Variants in XYLT1 observed in about 807,000 individuals in gnomAD.
XYLT1 encodes the protein xylosyltransferase 1.
XYLT1 carries 36 observed loss-of-function variants against 91.3 expected under a neutral mutation model. That is an observed-to-expected ratio of 0.39 (90% CI 0.30 to 0.52). The LOEUF is 0.52. Among genes scored for constraint, XYLT1 ranks in the 20% least tolerant of loss-of-function variants. The pLI is 0.68. For synonymous variants in XYLT1, 588 were observed against 532.0 expected (o/e 1.11, Z -1.45); for missense variants, 1,242 against 1,284.5 (o/e 0.97, Z 0.51).
At chr16:17,454,502 T>C (rs1284177787) in intron 1 of XYLT1, among the ~76,000 whole-genome samples, 2 of 152,048 alleles carry the variant, frequency 1.3e-5, no homozygotes, top group African/African-American at 4.8e-5. Context: ...GAAATGGACA[T>C]GGCTGTGTTC....
At chr16:17,390,825 CAA>C (rs1048675458) in intron 1 of XYLT1, among the ~76,000 whole-genome samples, 18 of 152,242 alleles carry the variant, frequency 1.2e-4, no homozygotes, top group African/African-American at 3.4e-4. Flanking sequence ...TGCCTGAGCT[CAA>C]GAGTTCAAAA....
At chr16:17,419,099 A>G (rs553102440) in intron 1 of XYLT1, among the ~76,000 whole-genome samples, 87 of 152,052 alleles carry the variant, frequency 5.7e-4, no homozygotes, top group Admixed American at 1.2e-3. Context: ...TATAGGGAAA[A>G]GTTAATCCAC....
At chr16:17,318,004 G>A (rs1384278881) in intron 2 of XYLT1, among the ~76,000 whole-genome samples, 5 of 152,196 alleles carry the variant, frequency 3.3e-5, no homozygotes, top group Admixed American at 3.3e-4. Flanking sequence ...TACCCGTCTT[G>A]TCACCCTGTT....
chr16:17,109,578 A>G (rs1197957649), intron 11 of XYLT1, among the ~76,000 whole-genome samples: 1 of 152,110 alleles, frequency 6.6e-6, no homozygotes, highest in Non-Finnish European at 1.5e-5. Flanking sequence ...AGGGTTGGCA[A>G]ACTGCAGTCC....
intron 2 of XYLT1, among the ~76,000 whole-genome samples, chr16:17,299,076 G>A (rs1046307864): frequency 1.3e-5 from 2 of 151,952 alleles, no homozygotes; most frequent in African/African-American, 2.4e-5. Context: ...CAACTAGAAC[G>A]CAAGCTACTT....
chr16:17,375,737 C>T (rs1432689194), intron 1 of XYLT1, among the ~76,000 whole-genome samples: 1 of 152,246 alleles, frequency 6.6e-6, no homozygotes, highest in African/African-American at 2.4e-5. Context: ...CAATCCCCAC[C>T]GGCCAGGTGG....
intron 5 of XYLT1, among the ~76,000 whole-genome samples, chr16:17,164,790 C>T (rs981999356): frequency 1.3e-5 from 2 of 152,170 alleles, no homozygotes; most frequent in Non-Finnish European, 2.9e-5. Context: ...ACATTAACGA[C>T]CACGTGTCTG....
At chr16:17,218,079 G>A (rs1245759596) in intron 3 of XYLT1, among the ~76,000 whole-genome samples, 1 of 152,010 alleles carries the variant, frequency 6.6e-6, no homozygotes. Flanking sequence ...CCAACATGGT[G>A]AAACCTCATC....
chr16:17,415,587 G>C (rs1023804619), intron 1 of XYLT1, among the ~76,000 whole-genome samples: 3 of 152,162 alleles, frequency 2.0e-5, no homozygotes, highest in African/African-American at 7.2e-5. Flanking sequence ...AGCTACTCAG[G>C]AGGCTGTGGC....
chr16:17,446,799 G>A (rs2036597217), intron 1 of XYLT1, among the ~76,000 whole-genome samples: 2 of 152,044 alleles, frequency 1.3e-5, no homozygotes, highest in South Asian at 4.2e-4. Flanking sequence ...AACCCTCAGC[G>A]GGGAACAGCC....
chr16:17,427,168 G>A (rs1051665065), intron 1 of XYLT1, among the ~76,000 whole-genome samples: 1 of 152,250 alleles, frequency 6.6e-6, no homozygotes, highest in Non-Finnish European at 1.5e-5. Context: ...AGCAAGTGGT[G>A]AAATCGTGTC....
intron 1 of XYLT1, among the ~76,000 whole-genome samples, chr16:17,370,684 G>A (rs767012648): frequency 4.6e-5 from 7 of 152,154 alleles, no homozygotes; most frequent in African/African-American, 4.8e-5. Context: ...TTCAGCTCAG[G>A]CATAGTTTGT....
At chr16:17,202,021 A>T (rs1440419131) in intron 3 of XYLT1, among the ~76,000 whole-genome samples, 6 of 152,194 alleles carry the variant, frequency 3.9e-5, no homozygotes, top group Non-Finnish European at 7.3e-5. Context: ...ATAGTCCCAG[A>T]CATATTTTAT....
intron 2 of XYLT1, among the ~76,000 whole-genome samples, chr16:17,318,862 C>T (rs1294174670): frequency 1.3e-5 from 2 of 151,750 alleles, no homozygotes; most frequent in East Asian, 3.9e-4. Context: ...ATCTCAGCTC[C>T]CTGCAACCTC....
chr16:17,321,608 T>A (rs1307301741), intron 2 of XYLT1, among the ~76,000 whole-genome samples: 1 of 152,048 alleles, frequency 6.6e-6, no homozygotes, highest in Admixed American at 6.5e-5. Flanking sequence ...TCTCCCCGTG[T>A]CAGACTCCCG....
chr16:17,127,536 T>G, intron 10 of XYLT1, 130 bp downstream of exon 10: 1 of 1,147,464 alleles, frequency 8.7e-7, no homozygotes, highest in African/African-American at 1.5e-5. Context: ...GGGCACAGGG[T>G]TAGCTTATCT....
At chr16:17,289,011 T>G (rs2034182760) in intron 2 of XYLT1, among the ~76,000 whole-genome samples, 1 of 152,200 alleles carries the variant, frequency 6.6e-6, no homozygotes, top group Admixed American at 6.5e-5. Context: ...GCAACCCAGC[T>G]GATAAGAGAT....
At chr16:17,252,156 C>T (rs556410603) in intron 3 of XYLT1, among the ~76,000 whole-genome samples, 34 of 152,064 alleles carry the variant, frequency 2.2e-4, no homozygotes, top group Non-Finnish European at 4.7e-4. Context: ...GTAATACTAA[C>T]AAGCCAAGCA....
intron 1 of XYLT1, 30 bp downstream of exon 1, chr16:17,470,404 C>T: frequency 8.2e-7 from 1 of 1,223,798 alleles, no homozygotes; most frequent in Non-Finnish European, 1.0e-6. Context: ...CCTCCCTCGC[C>T]GCGGGGCGCG....
Sources: gnomAD v4.1 joint callset for allele counts (sites outside exome capture counted in the v4.1 genomes callset) on GRCh38, gnomAD v4.1.1 for gene constraint, MANE v1.5 for transcripts, NCBI Gene and HGNC (gene_info 2026-07-23, HGNC 2026-07-21) for gene names.